The following PLXNA2 variants were observed in gnomAD, a reference collection of about 807,000 sequenced individuals.
PLXNA2 encodes the protein plexin A2, also known as plexin-A2.
In PLXNA2, 91 loss-of-function variants were observed where a neutral mutation model predicts 193.5. The observed-to-expected ratio is 0.47, with a 90% CI of 0.40 to 0.56. The LOEUF is 0.56. Among genes scored for constraint, PLXNA2 ranks in the 20% least tolerant of loss-of-function variants. PLXNA2 has a pLI of 0.00. For synonymous variants in PLXNA2, 997 were observed against 1,027.3 expected (o/e 0.97, Z 0.56); for missense variants, 1,995 against 2,503.2 (o/e 0.80, Z 4.33).
At chr1:208,098,458 T>TCTCTCTCACA (rs368366958) in intron 6 of PLXNA2, among the ~76,000 whole-genome samples, 28 of 123,522 alleles carry the variant, frequency 2.3e-4, no homozygotes, top group African/African-American at 8.2e-4. Context: ...TCTCTCTCTC[T>TCTCTCTCACA]CACACACACA....
intron 4 of PLXNA2, among the ~76,000 whole-genome samples, chr1:208,128,347 A>T (rs1039261526): frequency 6.6e-6 from 1 of 152,170 alleles, no homozygotes; most frequent in Admixed American, 6.5e-5. Flanking sequence ...GAGGGAGATT[A>T]CCTTGGAGGC....
At chr1:208,064,372 C>T (rs139749577) in intron 12 of PLXNA2, among the ~76,000 whole-genome samples, 45 of 152,352 alleles carry the variant, frequency 3.0e-4, no homozygotes, top group Non-Finnish European at 5.7e-4. Context: ...AGGCAAAGTC[C>T]CTAATTCCTA....
chr1:208,141,498 A>G (rs1298312482), intron 4 of PLXNA2, among the ~76,000 whole-genome samples: 2 of 152,006 alleles, frequency 1.3e-5, no homozygotes, highest in African/African-American at 4.8e-5. Flanking sequence ...CCTTTTCCTC[A>G]TTTCTTTGGC....
At position 208,028,186 on chromosome 1, in the gene PLXNA2, G is replaced by T. The variant is rs1381668098; in HGVS notation, c.5439-27C>A. 2 of 1,580,146 alleles carry T rather than the reference G, an allele frequency of 1.3e-6. No individual in the cohort carries two copies. Among genetic ancestry groups the T allele is most frequent in the Admixed American group, 1.8e-5 (1 of 56,156 alleles). ...TGCCAGAGACAGGATAGGCGCCTTGGTGGAGGCCTCAGCAAACATTTACCT... is the reference window on the plus strand; with the variant it reads ...TGCCAGAGACAGGATAGGCGCCTTGTTGGAGGCCTCAGCAAACATTTACCT... On this transcript the variant is annotated intron_variant, in intron 30 of 31. Coordinates refer to ENST00000367033, the MANE Select transcript of PLXNA2 (RefSeq NM_025179.4). The surrounding 1 kb of genome is among the most constrained non-coding windows in gnomAD (Gnocchi z 4.2).
intron 4 of PLXNA2, among the ~76,000 whole-genome samples, chr1:208,138,415 A>T (rs1023597432): frequency 4.6e-5 from 7 of 152,242 alleles, no homozygotes; most frequent in African/African-American, 1.2e-4. Context: ...TTAAACATGT[A>T]TTTGACTTAC....
intron 3 of PLXNA2, among the ~76,000 whole-genome samples, chr1:208,188,792 T>C (rs1276935529): frequency 6.6e-6 from 1 of 150,806 alleles, no homozygotes; most frequent in Non-Finnish European, 1.5e-5. Flanking sequence ...AGAGGAGAAA[T>C]GTGAGAGTAT....
chr1:208,117,961 C>T (rs931153681), intron 4 of PLXNA2, among the ~76,000 whole-genome samples: 4 of 152,170 alleles, frequency 2.6e-5, no homozygotes, highest in Admixed American at 2.0e-4. Flanking sequence ...TCATTATCTA[C>T]AAGTGTGCAG....
Position 208,082,367 on chromosome 1 carries a change from G to C in PLXNA2, c.2395+45C>G, listed in dbSNP as rs368463339. 2 of 1,482,692 alleles carry C rather than the reference G, an allele frequency of 1.3e-6. No individual in the cohort carries two copies. Among genetic ancestry groups the C allele is most frequent in the South Asian group, 1.2e-5 (1 of 86,328 alleles). 91.8% of individuals were successfully genotyped at this position (1,482,692 alleles called of 1,614,324 possible). ...GATCCCTCTAGCCCCAGTCTTTCCC[G>C]GGGTCGTGAAAAGATCAAACTTCTA... is the stretch of plus-strand genomic sequence containing the variant. On this transcript the variant is annotated intron_variant, in intron 11 of 31. Coordinates refer to ENST00000367033, the MANE Select transcript of PLXNA2 (RefSeq NM_025179.4). The surrounding 1 kb of genome is among the most constrained non-coding windows in gnomAD (Gnocchi z 4.2).
At chr1:208,130,149 C>A (rs1421268931) in intron 4 of PLXNA2, among the ~76,000 whole-genome samples, 1 of 152,136 alleles carries the variant, frequency 6.6e-6, no homozygotes, top group East Asian at 1.9e-4. Flanking sequence ...GGCACAGTGG[C>A]AAAGGCTCAG....
chr1:208,148,393 A>G (rs1183569160), intron 3 of PLXNA2, among the ~76,000 whole-genome samples: 1 of 152,284 alleles, frequency 6.6e-6, no homozygotes, highest in East Asian at 1.9e-4. Context: ...GAAGCACTGG[A>G]TCATGTCTGC....
intron 3 of PLXNA2, among the ~76,000 whole-genome samples, chr1:208,152,019 G>C (rs1668781612): frequency 6.6e-6 from 1 of 152,236 alleles, no homozygotes; most frequent in African/African-American, 2.4e-5. Flanking sequence ...CTGGAGAAAG[G>C]AGCAAAGGAT....
chr1:208,217,197 G>A lies in PLXNA2; in HGVS notation c.726C>T (p.Phe242=). The A allele has an allele frequency of 6.2e-7, 1 of 1,614,210 alleles. No homozygotes were observed. ...TLALVSHFDI[F]YIYGFASGGF... ...CCCCACTAGCAAAGCCGTAGATGTAGAAGATGTCAAAGTGGGAGACCAGGG... is the reference window on the plus strand; with the variant it reads ...CCCCACTAGCAAAGCCGTAGATGTAAAAGATGTCAAAGTGGGAGACCAGGG... The change falls in exon 2 of 32, where the codon TTC becomes TTT. Residue 242 remains phenylalanine (F), a synonymous_variant. Coordinates refer to ENST00000367033, the MANE Select transcript of PLXNA2 (RefSeq NM_025179.4). This position sits in a 1 kb window ranked among gnomAD's most constrained non-coding sequence, Gnocchi z 4.7.
At chr1:208,066,178 G>A (rs1326226745) in intron 12 of PLXNA2, among the ~76,000 whole-genome samples, 2 of 152,140 alleles carry the variant, frequency 1.3e-5, no homozygotes, top group Non-Finnish European at 2.9e-5. Flanking sequence ...ATTATACTGT[G>A]GACTAGAAGT....
chr1:208,117,385 A>G (rs567081102), intron 4 of PLXNA2, among the ~76,000 whole-genome samples: 6 of 152,228 alleles, frequency 3.9e-5, no homozygotes, highest in African/African-American at 1.4e-4. Context: ...CCAGCTGCAC[A>G]ATGGTGGCAG....
intron 9 of PLXNA2, among the ~76,000 whole-genome samples, chr1:208,088,582 G>C (rs545413976): frequency 6.6e-6 from 1 of 152,380 alleles, no homozygotes; most frequent in Admixed American, 6.5e-5. Context: ...CCATGTCACA[G>C]CCTGATCTGA....
intron 11 of PLXNA2, among the ~76,000 whole-genome samples, chr1:208,080,972 A>C (rs1666319284): frequency 6.6e-6 from 1 of 152,224 alleles, no homozygotes; most frequent in African/African-American, 2.4e-5. Flanking sequence ...CCCAATGCGC[A>C]GCCGGCAGAG....
In PLXNA2 at chr1:208,045,341, T is replaced by C. The variant is rs920899115; in HGVS notation, c.3496-131A>G. ...AACCAGGAAATGACTCCTTGGCAAG[T>C]TTTTGTGGAGGGGACTTCTAACAGC... On this transcript the variant is annotated intron_variant, in intron 18 of 31. Coordinates refer to ENST00000367033, the MANE Select transcript of PLXNA2 (RefSeq NM_025179.4). The C allele has an allele frequency of 3.0e-5, 25 of 841,186 alleles. No individual in the cohort carries two copies. In the East Asian group the frequency reaches 6.2e-4, roughly 21 times the overall value. The allele number at this position is 841,186 out of a possible 1,614,324, so 52.1% of individuals were successfully genotyped here.
chr1:208,102,729 C>G (rs540526967), intron 5 of PLXNA2, among the ~76,000 whole-genome samples: 2 of 152,218 alleles, frequency 1.3e-5, no homozygotes, highest in Non-Finnish European at 2.9e-5. Flanking sequence ...CAGGGTCACA[C>G]AGCAGCTAGC....
chr1:208,228,474 C>T (rs1420535327), intron 1 of PLXNA2, among the ~76,000 whole-genome samples: 1 of 152,162 alleles, frequency 6.6e-6, no homozygotes, highest in African/African-American at 2.4e-5. Context: ...TGGTGAAACC[C>T]ATTGGCAGCC....
Sources: gnomAD v4.1 joint callset for allele counts (sites outside exome capture counted in the v4.1 genomes callset) on GRCh38, gnomAD v4.1.1 for gene constraint, Gnocchi (gnomAD v3.1) non-coding constraint, MANE v1.5 for transcripts, NCBI Gene and HGNC (gene_info 2026-07-23, HGNC 2026-07-21) for gene names.